PLCG2: variants seen among roughly 807,000 people sequenced by gnomAD.
The protein encoded by PLCG2 is 1-phosphatidylinositol 4,5-bisphosphate phosphodiesterase gamma-2.
PLCG2 carries 69 observed loss-of-function variants against 175.6 expected under a neutral mutation model. The observed-to-expected ratio is 0.39, with a 90% CI of 0.32 to 0.48. The LOEUF (loss-of-function observed/expected upper bound fraction) is 0.48. Ranked by LOEUF, PLCG2 falls within the 20% of genes least tolerant of loss-of-function variation. The pLI is 0.91. For synonymous variants in PLCG2, 827 were observed against 624.0 expected, an observed-to-expected ratio of 1.33 and a Z score of -4.85; for missense variants, 1,798 against 1,650.9, an observed-to-expected ratio of 1.09 and a Z score of -1.54.
intron 21 of PLCG2, among the ~76,000 whole-genome samples, chr16:81,922,542 A>G (rs1252035603): frequency 1.3e-5 from 2 of 152,226 alleles, no homozygotes; most frequent in South Asian, 2.1e-4. Context: ...TGAAATATAT[A>G]AAAATTTAAT....
chr16:81,758,532 G>C (rs757658472), intron 2 of PLCG2, among the ~76,000 whole-genome samples: 4 of 152,130 alleles, frequency 2.6e-5, no homozygotes, highest in Non-Finnish European at 5.9e-5. Context: ...GCCTTGCTGA[G>C]TCATACAGTA....
rs761827366 is a variant in PLCG2, at chr16:81,900,672, C to G, written c.1254C>G (p.Ala418=). 4.3e-6 allele frequency: 7 copies of G among 1,612,830 alleles called. No homozygotes were observed. Among genetic ancestry groups the G allele is most frequent in the African/African-American group, 1.3e-5 (1 of 74,914 alleles). ...GCGTGGAGCAACAGCGTCACATGGC[C>G]AAGGCCTTCAAGGAAGTATTTGGCG... is the stretch of plus-strand genomic sequence containing the variant. The part of the protein sequence containing the change: ...HCSVEQQRHM[A]KAFKEVFGDL... The change falls in exon 14 of 33, where the codon GCC becomes GCG. Residue 418 remains alanine, a synonymous_variant. Transcript: ENST00000564138.
chr16:81,944,519 G>T (rs113376523), intron 30 of PLCG2, among the ~76,000 whole-genome samples: 1 of 152,294 alleles, frequency 6.6e-6, no homozygotes, highest in African/African-American at 2.4e-5. Context: ...CTGAAATTCA[G>T]TGTTGTGTGA....
At chr16:81,821,929 C>T (rs74029229) in intron 2 of PLCG2, among the ~76,000 whole-genome samples, 1 of 151,798 alleles carries the variant, frequency 6.6e-6, no homozygotes, top group African/African-American at 2.4e-5. Flanking sequence ...GGGGTTCCAT[C>T]CCAGATCCAC....
intron 19 of PLCG2, among the ~76,000 whole-genome samples, chr16:81,918,044 T>C (rs547331665): frequency 8.5e-5 from 13 of 152,252 alleles, no homozygotes; most frequent in African/African-American, 2.9e-4. Context: ...TTAAATTGGG[T>C]CATTTATTTT....
chr16:81,881,700 A>G (rs1447405309), intron 8 of PLCG2, among the ~76,000 whole-genome samples: 2 of 152,176 alleles, frequency 1.3e-5, no homozygotes, highest in Non-Finnish European at 2.9e-5. Context: ...GCTGGAGTGC[A>G]CTGGCGCAAT....
intron 1 of PLCG2, among the ~76,000 whole-genome samples, chr16:81,781,848 T>C (rs1910745599): frequency 6.9e-6 from 1 of 143,964 alleles, no homozygotes; most frequent in African/African-American, 2.6e-5. Flanking sequence ...GGTCCTCGCA[T>C]CTCATTTCAT....
rs772575043 is a variant in PLCG2 at position 81,900,761 on chromosome 16, G to A, written c.1343G>A (p.Arg448Gln). ...ADQLPSPSQL[R>Q]EKIIIKHKKL... ...CAGCTGCCCTCGCCCAGCCAGCTGCGGGAGAAGATCATCATCAAGGTAGGC... is the reference window on the plus strand; with the variant it reads ...CAGCTGCCCTCGCCCAGCCAGCTGCAGGAGAAGATCATCATCAAGGTAGGC... The change falls in exon 14 of 33, where the codon CGG becomes CAG. Residue 448 changes from arginine (R) to glutamine (Q), a missense_variant. Physicochemically the swap from Arg to Gln is conservative, Grantham distance 43. Transcript: ENST00000564138. 9.4e-6 allele frequency: 15 copies of A among 1,601,172 alleles called. No individual in the cohort carries two copies. The highest frequency in any genetic ancestry group is 4.5e-5 in the East Asian group (2 of 44,478).
chr16:81,812,162 G>T (rs1384514239), intron 2 of PLCG2, among the ~76,000 whole-genome samples: 2 of 145,828 alleles, frequency 1.4e-5, no homozygotes, highest in Non-Finnish European at 3.0e-5. Context: ...CCATTCTCCT[G>T]TCTCAGCCTC....
At chr16:81,909,462 G>C (rs528250953) in intron 17 of PLCG2, among the ~76,000 whole-genome samples, 6 of 152,212 alleles carry the variant, frequency 3.9e-5, no homozygotes, top group Non-Finnish European at 7.3e-5. Context: ...CTGTTGCCTA[G>C]GCTGTAGTAC....
intron 22 of PLCG2, among the ~76,000 whole-genome samples, chr16:81,926,372 G>C (rs979336375): frequency 6.6e-6 from 1 of 152,216 alleles, no homozygotes; most frequent in African/African-American, 2.4e-5. Flanking sequence ...CAGGTTGAAG[G>C]AGGGCGTTTG....
intron 2 of PLCG2, among the ~76,000 whole-genome samples, chr16:81,773,207 C>T (rs1910322113): frequency 6.6e-6 from 1 of 152,174 alleles, no homozygotes; most frequent in African/African-American, 2.4e-5. Context: ...TCAGTCTCTT[C>T]CCTTTCAGGT....
intron 2 of PLCG2, among the ~76,000 whole-genome samples, chr16:81,823,261 G>C (rs964772954): frequency 5.3e-5 from 8 of 152,242 alleles, no homozygotes; most frequent in African/African-American, 1.9e-4. Flanking sequence ...GATCTCTGCA[G>C]TCAGGCCTCT....
rs1301222718 is a variant in PLCG2, at chr16:81,874,950, T to TTTTTTGTTTTTTTGTTC, written c.648+4020_648+4021insGTTTTTTTGTTCTTTTT. On this transcript the variant is annotated intron_variant, in intron 7 of 32. Coordinates refer to ENST00000564138, the MANE Select transcript of PLCG2 (RefSeq NM_002661.5). Reference sequence around the variant, plus strand: ...ATTTGCTAGGCACTATCCTATGTGTTTTTTTTTTTTTTTTTTTTTTTTTTT... The same window carrying TTTTTTGTTTTTTTGTTC: ...ATTTGCTAGGCACTATCCTATGTGTTTTTTTGTTTTTTTGTTCTTTTTTTTTTTTTTTTTTTTTTTTT... Among the ~76,000 whole-genome samples, 275 of 55,490 alleles carry TTTTTTGTTTTTTTGTTC rather than the reference T, an allele frequency of 5.0e-3. 34 individuals carry two copies. The highest frequency in any genetic ancestry group is 7.1e-3 in the African/African-American group (143 of 20,162). The allele number at this position is 55,490 out of a possible 152,430, so 36.4% of individuals were successfully genotyped here.
chr16:81,880,851 G>A (rs890161420), intron 7 of PLCG2, 59 bp from the exon 8 acceptor site: 39 of 1,518,604 alleles, frequency 2.6e-5, no homozygotes, highest in Middle Eastern at 1.7e-4. Context: ...AAATCTTTCC[G>A]TTTTTGCATT....
chr16:81,745,017 G>T (rs1909676477), intron 1 of PLCG2, among the ~76,000 whole-genome samples: 3 of 152,200 alleles, frequency 2.0e-5, no homozygotes, highest in South Asian at 4.1e-4. Context: ...TAAAAATAAT[G>T]TTATGCAGTG....
chr16:81,795,581 C>T (rs549365076), intron 2 of PLCG2, among the ~76,000 whole-genome samples: 13 of 152,168 alleles, frequency 8.5e-5, no homozygotes, highest in Admixed American at 2.6e-4. Context: ...TGGAGGCTAC[C>T]GCAGGATCCT....
In PLCG2 at chr16:81,923,316, G is replaced by T. The variant is rs533752896; in HGVS notation, c.2308-169G>T. 1.6e-4 allele frequency: 89 copies of T among 559,908 alleles called. No individual in the cohort carries two copies. In the South Asian group the frequency reaches 1.7e-3, roughly 11 times the overall value. 34.7% of individuals were successfully genotyped at this position (559,908 alleles called of 1,614,324 possible). On this transcript the variant is annotated intron_variant, in intron 21 of 32. Coordinates refer to ENST00000564138, the MANE Select transcript of PLCG2 (RefSeq NM_002661.5). ...CCTTCACTCCCTGGTGGCTTTTTGG[G>T]GCCTTCGATCCTTTGCAATGCCAGT...
chr16:81,836,652 A>G (rs908868460), intron 2 of PLCG2, among the ~76,000 whole-genome samples: 1 of 152,148 alleles, frequency 6.6e-6, no homozygotes, highest in Non-Finnish European at 1.5e-5. Context: ...GAGGCAGGAG[A>G]ATCGCTTGAA....
Sources: gnomAD v4.1 joint callset for allele counts (sites outside exome capture counted in the v4.1 genomes callset) on GRCh38, gnomAD v4.1.1 for gene constraint, MANE v1.5 for transcripts, NCBI Gene and HGNC (gene_info 2026-07-23, HGNC 2026-07-21) for gene names.